Variants in ZCCHC7 observed in about 807,000 individuals in gnomAD.
The protein encoded by ZCCHC7 is zinc finger CCHC-type containing 7, also known as zinc finger CCHC domain-containing protein 7.
ZCCHC7 carries 35 observed loss-of-function variants against 52.0 expected under a neutral mutation model. The observed-to-expected ratio is 0.67, with a 90% CI of 0.51 to 0.89. The LOEUF is 0.89. Among genes scored for constraint, ZCCHC7 ranks in the 40% least tolerant of loss-of-function variants. ZCCHC7 has a pLI of 0.00. For missense variants in ZCCHC7, 574 were observed against 649.1 expected, an observed-to-expected ratio of 0.88 and a Z score of 1.26; for synonymous variants, 217 against 221.5, an observed-to-expected ratio of 0.98 and a Z score of 0.18.
rs1828447782 is a variant in ZCCHC7 at position 37,289,810 on chromosome 9, T to C, written c.611-12378T>C. Among the ~76,000 whole-genome samples the C allele has an allele frequency of 3.3e-5, 5 of 152,342 alleles. No individual in the cohort carries two copies. In the South Asian group the frequency reaches 1.0e-3, roughly 32 times the overall value. On this transcript the variant is annotated intron_variant, in intron 2 of 8. Coordinates refer to ENST00000336755, the MANE Select transcript of ZCCHC7 (RefSeq NM_032226.3). ...CACATTCCCTTCATTTTCTGCACTCTAGCCATACTGGCCTGTCTCCGGTTC... is the reference window on the plus strand; with the variant it reads ...CACATTCCCTTCATTTTCTGCACTCCAGCCATACTGGCCTGTCTCCGGTTC...
chr9:37,225,878 A>G (rs1277919322), intron 2 of ZCCHC7, among the ~76,000 whole-genome samples: 2 of 152,230 alleles, frequency 1.3e-5, no homozygotes, highest in East Asian at 3.8e-4. Context: ...AGAAGACAAG[A>G]CAGTCCCTTC....
intron 2 of ZCCHC7, among the ~76,000 whole-genome samples, chr9:37,254,749 T>G (rs1320913606): frequency 6.6e-6 from 1 of 151,434 alleles, no homozygotes; most frequent in African/African-American, 2.4e-5. Context: ...AGATTTTGGA[T>G]TTTTTCAAAT....
At chr9:37,284,011 C>A (rs1828093744) in intron 2 of ZCCHC7, among the ~76,000 whole-genome samples, 5 of 151,780 alleles carry the variant, frequency 3.3e-5, no homozygotes, top group Non-Finnish European at 7.4e-5. Context: ...CTGAAATTTC[C>A]TCTGTTGTGT....
chr9:37,305,486 A>G, intron 4 of ZCCHC7, 58 bp from the exon 5 acceptor site: 2 of 1,587,418 alleles, frequency 1.3e-6, no homozygotes, highest in South Asian at 1.1e-5. Flanking sequence ...TTGAAAAACA[A>G]ATACTAATCT....
In ZCCHC7 at chr9:37,238,104, T is replaced by C. The variant is rs182383217; in HGVS notation, c.611-64084T>C. On this transcript the variant is annotated intron_variant, in intron 2 of 8. Coordinates refer to ENST00000336755, the MANE Select transcript of ZCCHC7 (RefSeq NM_032226.3). ...AAACAGAAATATCAGAGTCTTGACC[T>C]CTCTCTGCCATGATCTTTTGTGTTG... Among the ~76,000 whole-genome samples, 44 of 152,314 alleles carry C rather than the reference T, an allele frequency of 2.9e-4. 1 individual carries two copies. The highest frequency in any genetic ancestry group is 3.4e-3 in the Middle Eastern group (1 of 294).
At chr9:37,140,536 C>G (rs1053416532) in intron 2 of ZCCHC7, among the ~76,000 whole-genome samples, 2 of 151,906 alleles carry the variant, frequency 1.3e-5, no homozygotes, top group Non-Finnish European at 2.9e-5. Context: ...AGAGATCCAT[C>G]AGGTACTTAC....
intron 2 of ZCCHC7, among the ~76,000 whole-genome samples, chr9:37,199,761 A>C (rs879481888): frequency 4.6e-5 from 7 of 151,172 alleles, no homozygotes; most frequent in African/African-American, 9.8e-5. Flanking sequence ...GCTGGAGTGC[A>C]GTGGCGCGAT....
chr9:37,230,927 T>C (rs188583704), intron 2 of ZCCHC7, among the ~76,000 whole-genome samples: 145 of 152,252 alleles, frequency 9.5e-4, no homozygotes, highest in Non-Finnish European at 3.8e-4. Flanking sequence ...TTTTGGGTTT[T>C]TTTGTTTTGT....
At chr9:37,319,509 C>T (rs1488715926) in intron 5 of ZCCHC7, among the ~76,000 whole-genome samples, 1 of 152,106 alleles carries the variant, frequency 6.6e-6, no homozygotes, top group Non-Finnish European at 1.5e-5. Flanking sequence ...CTCACTGCAA[C>T]CTCCACCTCC....
At chr9:37,168,668 C>T (rs954071835) in intron 2 of ZCCHC7, among the ~76,000 whole-genome samples, 3 of 152,126 alleles carry the variant, frequency 2.0e-5, no homozygotes, top group Admixed American at 6.5e-5. Context: ...AGAGCCGAGG[C>T]AGGAGGATTG....
In ZCCHC7 at chr9:37,306,057, A is replaced by ATATTTATTTATT. The variant is rs539869053; in HGVS notation, c.951+357_951+368dup. On this transcript the variant is annotated intron_variant, in intron 5 of 8. Coordinates refer to ENST00000336755, the MANE Select transcript of ZCCHC7 (RefSeq NM_032226.3). ...AATAACATGTAAAATTTGTGTATTC[A>ATATTTATTTATT]TATTTATTTATTTATTTATTTATTT... Among the ~76,000 whole-genome samples the ATATTTATTTATT allele has an allele frequency of 4.6e-3, 693 of 151,798 alleles. 3 individuals are homozygous for ATATTTATTTATT. Among genetic ancestry groups the ATATTTATTTATT allele is most frequent in the African/African-American group, 0.016 (655 of 41,254 alleles).
At chr9:37,299,405 T>G (rs887686432) in intron 2 of ZCCHC7, among the ~76,000 whole-genome samples, 29 of 152,240 alleles carry the variant, frequency 1.9e-4, no homozygotes, top group African/African-American at 7.0e-4. Flanking sequence ...ATGCCATTTA[T>G]TCTAACCCAT....
intron 2 of ZCCHC7, among the ~76,000 whole-genome samples, chr9:37,150,481 A>G (rs1820458175): frequency 6.6e-6 from 1 of 152,214 alleles, no homozygotes; most frequent in Non-Finnish European, 1.5e-5. Context: ...CTATGGTGAC[A>G]GTGATTGCCC....
intron 2 of ZCCHC7, among the ~76,000 whole-genome samples, chr9:37,256,231 G>A (rs1187724232): frequency 6.6e-6 from 1 of 152,080 alleles, no homozygotes; most frequent in Admixed American, 6.6e-5. Context: ...CACATGCCAA[G>A]TGTTGTGCAG....
chr9:37,133,582 A>T (rs1390805864), intron 2 of ZCCHC7, among the ~76,000 whole-genome samples: 1 of 151,614 alleles, frequency 6.6e-6, no homozygotes, highest in African/African-American at 2.4e-5. Flanking sequence ...AAATTTAAAA[A>T]TTTTAAAATT....
At chr9:37,254,553 A>G (rs561424409) in intron 2 of ZCCHC7, among the ~76,000 whole-genome samples, 12 of 152,120 alleles carry the variant, frequency 7.9e-5, no homozygotes, top group Admixed American at 1.3e-4. Context: ...AAAAGGCGTC[A>G]GAAGGTTTGG....
chr9:37,199,843 T>A (rs1404728803), intron 2 of ZCCHC7, among the ~76,000 whole-genome samples: 2 of 152,030 alleles, frequency 1.3e-5, no homozygotes, highest in African/African-American at 2.4e-5. Context: ...TAGCTGGGAC[T>A]ACAGGCACCC....
At chr9:37,220,948 T>C (rs1824777848) in intron 2 of ZCCHC7, among the ~76,000 whole-genome samples, 2 of 152,200 alleles carry the variant, frequency 1.3e-5, no homozygotes, top group African/African-American at 4.8e-5. Flanking sequence ...TCTTGAACTT[T>C]TCCAAAATTT....
chr9:37,178,600 A>T (rs1381800990), intron 2 of ZCCHC7, among the ~76,000 whole-genome samples: 1 of 152,198 alleles, frequency 6.6e-6, no homozygotes, highest in Admixed American at 6.5e-5. Flanking sequence ...ATGATATAAA[A>T]GATTTAACGC....
Sources: allele counts gnomAD v4.1 joint callset (sites outside exome capture counted in the v4.1 genomes callset), GRCh38; gene constraint gnomAD v4.1.1; transcripts MANE v1.5; gene names NCBI Gene and HGNC (gene_info 2026-07-23, HGNC 2026-07-21).